MDGA2: variants seen among roughly 807,000 people sequenced by gnomAD.
MDGA2 encodes the protein MAM domain-containing glycosylphosphatidylinositol anchor protein 2.
A neutral mutation model predicts 117.8 loss-of-function variants in MDGA2; 40 were observed. That is an observed-to-expected ratio of 0.34 (90% CI 0.26 to 0.44). The LOEUF (loss-of-function observed/expected upper bound fraction) is 0.44, where lower values mean the gene tolerates loss of function less well. Among genes scored for constraint, MDGA2 ranks in the 20% least tolerant of loss-of-function variants. The probability of loss-of-function intolerance (pLI) is 1.00; values close to 1 mark genes in which losing one functional copy is unlikely to be tolerated. For missense variants in MDGA2, 1,123 were observed against 1,250.6 expected (o/e 0.90, Z 1.54); for synonymous variants, 452 against 439.0 (o/e 1.03, Z -0.37).
chr14:47,239,667 G>T (rs1468117430), intron 2 of MDGA2, among the ~76,000 whole-genome samples: 2 of 151,700 alleles, frequency 1.3e-5, no homozygotes, highest in Non-Finnish European at 3.0e-5. Context: ...ATTTCAATAA[G>T]ATAATGAATT....
intron 1 of MDGA2, among the ~76,000 whole-genome samples, chr14:47,570,616 T>C (rs1304712244): frequency 6.6e-6 from 1 of 152,138 alleles, no homozygotes; most frequent in East Asian, 1.9e-4. Context: ...TCTACAACCA[T>C]CTGATATTTG....
At chr14:47,248,602 G>A (rs1426138354) in intron 2 of MDGA2, among the ~76,000 whole-genome samples, 2 of 146,212 alleles carry the variant, frequency 1.4e-5, no homozygotes, top group African/African-American at 4.9e-5. Flanking sequence ...ATTGGCAGAT[G>A]GCTGGCATCA....
chr14:46,974,393 A>C (rs1244926301), intron 8 of MDGA2, among the ~76,000 whole-genome samples: 1 of 152,142 alleles, frequency 6.6e-6, no homozygotes, highest in Non-Finnish European at 1.5e-5. Context: ...AATTCATATG[A>C]ATCTCAAGAG....
chr14:47,561,374 T>C (rs1008988956), intron 1 of MDGA2, among the ~76,000 whole-genome samples: 2 of 151,998 alleles, frequency 1.3e-5, no homozygotes, highest in Non-Finnish European at 2.9e-5. Flanking sequence ...CATGGAATGT[T>C]TTCCTAATTG....
intron 1 of MDGA2, among the ~76,000 whole-genome samples, chr14:47,396,926 A>T (rs1364728614): frequency 2.6e-5 from 4 of 152,202 alleles, no homozygotes; most frequent in Admixed American, 6.5e-5. Context: ...CAGTGTGGCG[A>T]TTCCTCAAGG....
At chr14:47,407,578 A>G (rs888464082) in intron 1 of MDGA2, among the ~76,000 whole-genome samples, 3 of 152,162 alleles carry the variant, frequency 2.0e-5, no homozygotes, top group African/African-American at 7.2e-5. Flanking sequence ...GGCTTTTAGT[A>G]GATTTTCTCA....
chr14:47,485,110 C>G (rs756860372), intron 1 of MDGA2, among the ~76,000 whole-genome samples: 3 of 151,984 alleles, frequency 2.0e-5, no homozygotes, highest in Non-Finnish European at 4.4e-5. Context: ...GCTCAGAAGA[C>G]AGGAAAATGT....
intron 8 of MDGA2, among the ~76,000 whole-genome samples, chr14:47,010,252 T>A (rs1204977791): frequency 6.6e-6 from 1 of 152,044 alleles, no homozygotes. Flanking sequence ...ATGCAAATAG[T>A]CAATAGATGC....
At chr14:46,842,660 A>T (rs572457298) in intron 16 of MDGA2, among the ~76,000 whole-genome samples, 1 of 152,372 alleles carries the variant, frequency 6.6e-6, no homozygotes, top group South Asian at 2.1e-4. Flanking sequence ...CCTGGTGTCC[A>T]GTTGATGCCT....
chr14:46,844,189 C>T (rs1381757397), intron 16 of MDGA2, among the ~76,000 whole-genome samples: 1 of 152,038 alleles, frequency 6.6e-6, no homozygotes, highest in Non-Finnish European at 1.5e-5. Context: ...ATTAAACAAG[C>T]TTGTGGTGCA....
chr14:47,427,619 A>C (rs2138519635), intron 1 of MDGA2, among the ~76,000 whole-genome samples: 1 of 152,244 alleles, frequency 6.6e-6, no homozygotes, highest in South Asian at 2.1e-4. Context: ...GCAACTGAGT[A>C]ATTGTCACCA....
chr14:47,078,719 T>C (rs1890589489), intron 6 of MDGA2, among the ~76,000 whole-genome samples: 1 of 152,138 alleles, frequency 6.6e-6, no homozygotes, highest in South Asian at 2.1e-4. Flanking sequence ...ACAGCAAATA[T>C]ATAACATCTC....
intron 8 of MDGA2, chr14:46,960,345 T>C (rs1595070628): frequency 1.3e-5 from 2 of 152,230 alleles, no homozygotes; most frequent in East Asian, 3.8e-4. Flanking sequence ...TTTCCATCTG[T>C]GATGACTTTC....
intron 1 of MDGA2, among the ~76,000 whole-genome samples, chr14:47,447,098 T>G (rs1438078581): frequency 6.6e-6 from 1 of 152,174 alleles, no homozygotes; most frequent in Admixed American, 6.6e-5. Flanking sequence ...ATTTTCCTAT[T>G]ACTTCTTGAT....
rs554050416 is a variant in MDGA2, at chr14:46,944,331, A to T, written c.2089+13043T>A. 4.6e-5 allele frequency among the ~76,000 whole-genome samples: 7 copies of T among 152,210 alleles called. No homozygotes were observed. In the East Asian group the frequency reaches 1.3e-3, roughly 29 times the overall value. ...TAAGCTGTATTGTTTCTAATGAGAA[A>T]GTAATTGTCATACATATCATCAGAA... On this transcript the variant is annotated intron_variant, in intron 9 of 16. Coordinates refer to ENST00000399232, the MANE Select transcript of MDGA2 (RefSeq NM_001113498.3).
intron 3 of MDGA2, among the ~76,000 whole-genome samples, chr14:47,212,409 C>G (rs767836268): frequency 5.3e-5 from 8 of 152,130 alleles, no homozygotes; most frequent in Non-Finnish European, 8.8e-5. Context: ...ATCTTCACAT[C>G]TGTACTTTAT....
intron 1 of MDGA2, among the ~76,000 whole-genome samples, chr14:47,593,344 C>T (rs1247390778): frequency 1.3e-5 from 2 of 152,110 alleles, no homozygotes; most frequent in South Asian, 4.1e-4. Context: ...AGACCTAGAA[C>T]CAGAAATACC....
chr14:47,283,969 CAT>C (rs903992560), intron 2 of MDGA2, among the ~76,000 whole-genome samples: 27 of 152,256 alleles, frequency 1.8e-4, no homozygotes, highest in South Asian at 6.2e-4. Flanking sequence ...CGTGTGAAGA[CAT>C]AGAGCAGTAG....
chr14:46,957,300 T>C (rs1270316684), intron 9 of MDGA2, 74 bp downstream of exon 9: 6 of 1,405,560 alleles, frequency 4.3e-6, no homozygotes, highest in Non-Finnish European at 5.8e-6. Context: ...TTTTCATTCT[T>C]ATATTGACAT....
Sources: allele counts gnomAD v4.1 joint callset (sites outside exome capture counted in the v4.1 genomes callset), GRCh38; gene constraint gnomAD v4.1.1; transcripts MANE v1.5; gene names NCBI Gene and HGNC (gene_info 2026-07-23, HGNC 2026-07-21).